The following PARD3 variants were observed in gnomAD, a reference collection of about 807,000 sequenced individuals.
PARD3 encodes partitioning defective 3 homolog.
A neutral mutation model predicts 155.4 loss-of-function variants in PARD3; 75 were observed. The ratio of observed to expected loss-of-function variants is 0.48; its 90% CI spans 0.40 to 0.58. PARD3 has a LOEUF of 0.58. Among genes scored for constraint, PARD3 ranks in the 20% least tolerant of loss-of-function variants. The probability of loss-of-function intolerance (pLI) is 0.00; values close to 1 mark genes in which losing one functional copy is unlikely to be tolerated. For missense variants in PARD3, 1,642 were observed against 1,721.7 expected (o/e 0.95, Z 0.82); for synonymous variants, 576 against 610.5 (o/e 0.94, Z 0.83).
intron 22 of PARD3, among the ~76,000 whole-genome samples, chr10:34,242,429 G>A (rs1011980701): frequency 1.3e-5 from 2 of 152,060 alleles, no homozygotes; most frequent in African/African-American, 2.4e-5. Flanking sequence ...ATGGTAGGAG[G>A]CGACTACCTT....
At chr10:34,797,933 T>C (rs912878710) in intron 1 of PARD3, among the ~76,000 whole-genome samples, 7 of 152,136 alleles carry the variant, frequency 4.6e-5, no homozygotes, top group South Asian at 4.1e-4. Flanking sequence ...GGCAGGAGAA[T>C]TGAATGACTT....
intron 1 of PARD3, among the ~76,000 whole-genome samples, chr10:34,726,629 C>T (rs1459132408): frequency 6.6e-6 from 1 of 152,050 alleles, no homozygotes; most frequent in Non-Finnish European, 1.5e-5. Flanking sequence ...GGCGTGGTGA[C>T]AGGCACCTGT....
chr10:34,471,294 A>G (rs1026981071), intron 3 of PARD3, among the ~76,000 whole-genome samples: 3 of 152,318 alleles, frequency 2.0e-5, no homozygotes, highest in Non-Finnish European at 4.4e-5. Flanking sequence ...ACTCAGGTGA[A>G]CATTTGTATC....
At chr10:34,539,670 G>A (rs2083466297) in intron 2 of PARD3, among the ~76,000 whole-genome samples, 1 of 152,150 alleles carries the variant, frequency 6.6e-6, no homozygotes, top group Admixed American at 6.5e-5. Flanking sequence ...CAAAAAGAAA[G>A]TAAAACTTCC....
intron 4 of PARD3, among the ~76,000 whole-genome samples, chr10:34,455,388 C>T (rs1250547459): frequency 2.0e-5 from 3 of 152,024 alleles, no homozygotes; most frequent in Non-Finnish European, 2.9e-5. Context: ...ATTCAATGTT[C>T]TGCTTAATTA....
intron 1 of PARD3, among the ~76,000 whole-genome samples, chr10:34,698,661 C>G (rs910406589): frequency 1.3e-5 from 2 of 152,212 alleles, no homozygotes; most frequent in Non-Finnish European, 2.9e-5. Flanking sequence ...CCCACCTCAG[C>G]CTCCCAAAGT....
chr10:34,579,014 T>C (rs2087147009), intron 2 of PARD3, among the ~76,000 whole-genome samples: 1 of 152,244 alleles, frequency 6.6e-6, no homozygotes, highest in East Asian at 1.9e-4. Flanking sequence ...AGCTCATTCC[T>C]GTAATCCCAG....
In PARD3 at chr10:34,331,245, T is replaced by A. The variant is rs776481692; in HGVS notation, c.2705A>T (p.Asp902Val). 3.1e-6 allele frequency: 5 copies of A among 1,613,904 alleles called. No homozygotes were observed. Among genetic ancestry groups the A allele is most frequent in the Admixed American group, 1.7e-5 (1 of 59,964 alleles). ...TAVAEVTLNG[D>V]IPFHRPRPRI... ...CGGCCGTGGACGATGGAAAGGAATA[T>A]CCCCATTCAAAGTCACCTCGGCAAC... The change falls in exon 19 of 25, where the codon GAT (aspartate) becomes GTT (valine). Residue 902 changes from aspartate to valine, a missense_variant. Around this residue, in one of 3 missense-constraint regions of PARD3, gnomAD observed 1,529 missense variants for 1,587.3 expected, o/e 0.96. Transcript: ENST00000374788.
At chr10:34,454,409 A>G (rs1056256578) in intron 4 of PARD3, among the ~76,000 whole-genome samples, 1 of 152,142 alleles carries the variant, frequency 6.6e-6, no homozygotes, top group South Asian at 2.1e-4. Context: ...TCTATTTTCA[A>G]TTTGAAAATA....
chr10:34,516,209 C>T (rs2081753029), intron 3 of PARD3, among the ~76,000 whole-genome samples: 1 of 152,156 alleles, frequency 6.6e-6, no homozygotes, highest in South Asian at 2.1e-4. Flanking sequence ...AGGTGATCCG[C>T]CCACCTCAGC....
intron 3 of PARD3, among the ~76,000 whole-genome samples, chr10:34,477,079 A>G (rs2078761525): frequency 6.6e-6 from 1 of 152,174 alleles, no homozygotes; most frequent in African/African-American, 2.4e-5. Context: ...CTTCTCACCT[A>G]TGATTTGCTA....
At chr10:34,376,638 T>C (rs10827360) in intron 10 of PARD3, among the ~76,000 whole-genome samples, 88,691 of 152,036 alleles carry the variant, frequency 0.58, 28,049 homozygotes, top group African/African-American at 0.85. Flanking sequence ...CGTTGTCACA[T>C]GCACAGGACC....
chr10:34,810,217 CAG>C (rs1843952028), intron 1 of PARD3, among the ~76,000 whole-genome samples: 1 of 152,192 alleles, frequency 6.6e-6, no homozygotes, highest in African/African-American at 2.4e-5. Flanking sequence ...GTACTTACCA[CAG>C]ACTTATTTTC....
intron 17 of PARD3, among the ~76,000 whole-genome samples, chr10:34,336,722 T>C (rs1414222584): frequency 1.3e-5 from 2 of 152,104 alleles, no homozygotes; most frequent in Admixed American, 6.6e-5. Context: ...CTCCTCTCAT[T>C]TGCTCCTAAA....
intron 1 of PARD3, among the ~76,000 whole-genome samples, chr10:34,721,365 C>A (rs1342340616): frequency 6.6e-6 from 1 of 152,192 alleles, no homozygotes; most frequent in East Asian, 1.9e-4. Flanking sequence ...GTAAAGTAAG[C>A]TATGTGAAAA....
chr10:34,186,002 A>AT (rs1189017823), intron 22 of PARD3, among the ~76,000 whole-genome samples: 1 of 151,944 alleles, frequency 6.6e-6, no homozygotes, highest in African/African-American at 2.4e-5. Flanking sequence ...GTTTCCAAGG[A>AT]GTTGAGCGGC....
intron 1 of PARD3, among the ~76,000 whole-genome samples, chr10:34,724,017 T>C (rs1467015689): frequency 6.6e-6 from 1 of 152,212 alleles, no homozygotes; most frequent in Non-Finnish European, 1.5e-5. Context: ...ACAAGCTTGG[T>C]AATTCCTGTT....
chr10:34,216,419 C>A (rs1419547505), intron 22 of PARD3, among the ~76,000 whole-genome samples: 2 of 152,190 alleles, frequency 1.3e-5, no homozygotes, highest in Non-Finnish European at 2.9e-5. Context: ...AGCGGCTTAA[C>A]CTTATCTCCT....
At chr10:34,483,008 TAGCC>T (rs2079188964) in intron 3 of PARD3, among the ~76,000 whole-genome samples, 1 of 150,628 alleles carries the variant, frequency 6.6e-6, no homozygotes, top group Admixed American at 6.6e-5. Flanking sequence ...AAAAAAAAAT[TAGCC>T]AGGTGTGGTG....
Sources: gnomAD v4.1 joint callset for allele counts (sites outside exome capture counted in the v4.1 genomes callset) on GRCh38, gnomAD v4.1.1 for gene constraint, gnomAD v4.1.1 regional missense constraint, MANE v1.5 for transcripts, NCBI Gene and HGNC (gene_info 2026-07-23, HGNC 2026-07-21) for gene names.